The following DNAH11 variants were observed in gnomAD, a reference collection of about 807,000 sequenced individuals.
The protein encoded by DNAH11 is dynein axonemal heavy chain 11, also known as axonemal beta dynein heavy chain 11.
A neutral mutation model predicts 526.0 loss-of-function variants in DNAH11; 442 were observed. That is an observed-to-expected ratio of 0.84 (90% CI 0.78 to 0.91). DNAH11 has a LOEUF of 0.91. Among genes scored for constraint, DNAH11 ranks in the 40% least tolerant of loss-of-function variants. The pLI is 0.00. For missense variants in DNAH11, 6,989 were observed against 5,448.7 expected, an observed-to-expected ratio of 1.28 and a Z score of -8.90; for synonymous variants, 2,461 against 1,935.9, an observed-to-expected ratio of 1.27 and a Z score of -7.12.
At chr7:21,638,407 C>T (rs989461286) in intron 27 of DNAH11, among the ~76,000 whole-genome samples, 2 of 152,088 alleles carry the variant, frequency 1.3e-5, no homozygotes, top group African/African-American at 4.8e-5. Flanking sequence ...GGGGCTCGGG[C>T]TCTGCCTCTG....
chr7:21,575,039 T>A (rs1784035147), intron 8 of DNAH11, among the ~76,000 whole-genome samples: 1 of 151,632 alleles, frequency 6.6e-6, no homozygotes, highest in Admixed American at 6.6e-5. Flanking sequence ...CATGCCCAAC[T>A]AACTTTTGTA....
intron 44 of DNAH11, among the ~76,000 whole-genome samples, chr7:21,722,588 T>G (rs1355154391): frequency 6.6e-6 from 1 of 152,162 alleles, no homozygotes; most frequent in Non-Finnish European, 1.5e-5. Context: ...ATAATATAGT[T>G]GGAATTCACT....
rs764611022 is a variant in DNAH11 at position 21,559,034 on chromosome 7, T to C, written c.692+36T>C. 9.8e-6 allele frequency: 15 copies of C among 1,530,270 alleles called. No individual in the cohort carries two copies. The South Asian group carries it at 1.8e-4, about 19-fold the overall frequency. The allele number at this position is 1,530,270 out of a possible 1,614,324, so 94.8% of individuals were successfully genotyped here. On this transcript the variant is annotated intron_variant, in intron 3 of 81. Transcript: ENST00000409508. The stretch of plus-strand genomic sequence containing the variant: ...GTACAATATATACAGGATATTAAAG[T>C]AGAGAGCCAGGCCAGCACGGTGGCT...
intron 36 of DNAH11, among the ~76,000 whole-genome samples, chr7:21,699,088 C>T (rs531929044): frequency 4.1e-4 from 63 of 152,008 alleles, no homozygotes; most frequent in Non-Finnish European, 6.5e-4. Flanking sequence ...TCCCTTTCTT[C>T]GTGAAAATAT....
intron 79 of DNAH11, 108 bp downstream of exon 79, chr7:21,895,107 T>C: frequency 2.2e-6 from 2 of 893,960 alleles, no homozygotes; most frequent in Non-Finnish European, 3.5e-6. Context: ...TTGTGACTGT[T>C]CTCAACCTGT....
chr7:21,785,964 A>G (rs1302808462), intron 58 of DNAH11, among the ~76,000 whole-genome samples: 1 of 152,224 alleles, frequency 6.6e-6, no homozygotes, highest in East Asian at 1.9e-4. Flanking sequence ...ATTAAATATC[A>G]TAAGCCTACA....
At chr7:21,584,346 C>G (rs1784414433) in intron 9 of DNAH11, among the ~76,000 whole-genome samples, 1 of 152,088 alleles carries the variant, frequency 6.6e-6, no homozygotes, top group Admixed American at 6.6e-5. Flanking sequence ...CCAAACACTG[C>G]ATGTTCTCAC....
chr7:21,714,018 C>G (rs1382362873), intron 42 of DNAH11, among the ~76,000 whole-genome samples: 1 of 152,182 alleles, frequency 6.6e-6, no homozygotes, highest in Non-Finnish European at 1.5e-5. Flanking sequence ...GCATTCATTT[C>G]CTTCATGAGA....
intron 61 of DNAH11, among the ~76,000 whole-genome samples, chr7:21,794,986 C>T (rs10255013): frequency 0.38 from 57,716 of 151,738 alleles, 11,563 homozygotes; most frequent in East Asian, 0.73. Context: ...AGTTTTTTAC[C>T]TCTCTGTGGC....
chr7:21,872,135 A>AAAAAAAACAAAAC (rs1562595912), intron 73 of DNAH11, among the ~76,000 whole-genome samples: 2 of 137,334 alleles, frequency 1.5e-5, no homozygotes, highest in Non-Finnish European at 3.1e-5. Flanking sequence ...AAAAAAAAAA[A>AAAAAAAACAAAAC]AAAAAAAAAA....
Position 21,601,033 on chromosome 7 carries a change from T to C in DNAH11, c.3279T>C (p.Tyr1093=), listed in dbSNP as rs753829354. The C allele has an allele frequency of 7.4e-6, 12 of 1,611,676 alleles. No individual in the cohort carries two copies. Among genetic ancestry groups the C allele is most frequent in the Non-Finnish European group, 3.4e-6 (4 of 1,179,518 alleles). ...KEQIDIYEAL[Y]VQMSKFEDFR... ...AGATTGACATTTATGAAGCTTTGTA[T>C]GTTCAAATGAGCAAATTTGAGGACT... is the stretch of plus-strand genomic sequence containing the variant. The change falls in exon 17 of 82, where the codon TAT becomes TAC. Residue 1093 remains tyrosine, a synonymous_variant. Transcript: ENST00000409508.
At chr7:21,793,831 A>G (rs1466572230) in intron 61 of DNAH11, among the ~76,000 whole-genome samples, 1 of 152,102 alleles carries the variant, frequency 6.6e-6, no homozygotes, top group East Asian at 1.9e-4. Context: ...CATGTTTATT[A>G]TATATACTTC....
chr7:21,712,433 A>G (rs1784497482), intron 42 of DNAH11, among the ~76,000 whole-genome samples: 1 of 152,110 alleles, frequency 6.6e-6, no homozygotes, highest in African/African-American at 2.4e-5. Context: ...TCTAATTTTA[A>G]TTTTTTGAGA....
intron 30 of DNAH11, 147 bp downstream of exon 30, chr7:21,659,178 AT>A: frequency 1.4e-6 from 1 of 705,058 alleles, no homozygotes; most frequent in Non-Finnish European, 2.3e-6. Flanking sequence ...TTGTTAAATC[AT>A]TTTTTACCTT....
At chr7:21,570,675 A>G (rs1197339220) in intron 7 of DNAH11, 1 of 158,492 alleles carries the variant, frequency 6.3e-6, no homozygotes, top group Non-Finnish European at 1.4e-5. Context: ...GGTATTTCAT[A>G]CCCTAAAACC....
At chr7:21,726,583 C>T (rs534869042) in intron 45 of DNAH11, among the ~76,000 whole-genome samples, 6 of 151,814 alleles carry the variant, frequency 4.0e-5, no homozygotes, top group African/African-American at 7.3e-5. Flanking sequence ...TAGTGATGGC[C>T]AGGCGCGGTG....
Position 21,786,884 on chromosome 7 carries a change from C to T in DNAH11, c.9741+117C>T. The T allele has an allele frequency of 7.1e-6, 10 of 1,405,236 alleles. 1 individual carries two copies. In the South Asian group the frequency reaches 1.4e-4, roughly 19 times the overall value. 87.0% of individuals were successfully genotyped at this position (1,405,236 alleles called of 1,614,324 possible). ...TCAGAAGAAATCATCTTCATAGTTG[C>T]TGAATGTAATCTACTGTATATGTTC... On this transcript the variant is annotated intron_variant, in intron 59 of 81. Coordinates refer to ENST00000409508, the MANE Select transcript of DNAH11 (RefSeq NM_001277115.2).
Position 21,892,305 on chromosome 7 carries a change from C to A in DNAH11, c.12508-120C>A, listed in dbSNP as rs1173533462. ...TTGATTATAAAACAGTTTAGGGAGC[C>A]TGCTACCCAGACAGCATTGTGCTGG... On this transcript the variant is annotated intron_variant, in intron 76 of 81. Coordinates refer to ENST00000409508, the MANE Select transcript of DNAH11 (RefSeq NM_001277115.2). The A allele has an allele frequency of 2.1e-6, 3 of 1,402,886 alleles. No individual in the cohort carries two copies. The African/African-American group carries it at 4.3e-5, about 20-fold the overall frequency. 86.9% of individuals were successfully genotyped at this position (1,402,886 alleles called of 1,614,324 possible).
intron 69 of DNAH11, among the ~76,000 whole-genome samples, chr7:21,863,474 T>A (rs1783153165): frequency 1.3e-5 from 2 of 152,106 alleles, no homozygotes; most frequent in African/African-American, 2.4e-5. Flanking sequence ...ACTACAGGCG[T>A]GCACCACCAC....
Sources: gnomAD v4.1 joint callset for allele counts (sites outside exome capture counted in the v4.1 genomes callset) on GRCh38, gnomAD v4.1.1 for gene constraint, MANE v1.5 for transcripts, NCBI Gene and HGNC (gene_info 2026-07-23, HGNC 2026-07-21) for gene names.